The following SMG5 variants were observed in gnomAD, a reference collection of about 807,000 sequenced individuals.
SMG5 encodes nonsense-mediated mRNA decay factor SMG5.
A neutral mutation model predicts 122.9 loss-of-function variants in SMG5; 53 were observed. The ratio of observed to expected loss-of-function variants is 0.43; its 90% CI spans 0.35 to 0.54. The LOEUF (loss-of-function observed/expected upper bound fraction) is 0.54. Ranked by LOEUF, SMG5 falls within the 20% of genes least tolerant of loss-of-function variation. The pLI is 0.01. For missense variants in SMG5, 1,153 were observed against 1,285.6 expected, an observed-to-expected ratio of 0.90 and a Z score of 1.58; for synonymous variants, 477 against 490.2, an observed-to-expected ratio of 0.97 and a Z score of 0.35.
chr1:156,257,074 C>T (rs747973130), intron 16 of SMG5, among the ~76,000 whole-genome samples: 6 of 152,068 alleles, frequency 3.9e-5, no homozygotes, highest in Non-Finnish European at 7.4e-5. Flanking sequence ...CTACAGGCAC[C>T]TGCCACCATG....
chr1:156,285,919 C>A (rs1402993402), upstream of SMG5: 3 of 1,549,058 alleles, frequency 1.9e-6, no homozygotes, highest in Non-Finnish European at 2.6e-6. Context: ...GGCTGCCCAC[C>A]ATGAGTTCCC....
Position 156,266,016 on chromosome 1 carries a change from C to T in SMG5, c.1620G>A (p.Glu540=), listed in dbSNP as rs774790887. The change falls in exon 12 of 22, where the codon GAG becomes GAA. Residue 540 remains glutamate (E), a synonymous_variant. Transcript: ENST00000361813. ...GAGCCTCTGATCTGCCCCGAGGGGG[C>T]TCCAGGGTTGGTGACCGTGTCCCCT... ...EEEGTRSPTL[E]PPRGRSEAPD... is the part of the protein sequence containing the mutation. 1.2e-6 allele frequency: 2 copies of T among 1,614,218 alleles called. No homozygotes were observed. The highest frequency in any genetic ancestry group is 1.7e-6 in the Non-Finnish European group (2 of 1,180,032).
Position 156,252,448 on chromosome 1 carries a change from G to A in SMG5, c.2719C>T (p.Arg907Trp), listed in dbSNP as rs1661393423. ...KEHPGARDGI[R>W]YLEAEFKKGN... ...TTTTTAAACTCTGCCTCCAGGTACC[G>A]AATCCCATCCCGGGCCCCTGGGTGT... Residue 907 changes from arginine to tryptophan, a missense_variant, in exon 19 of 22, where the codon CGG becomes TGG. This residue lies in a region of SMG5 where 140 missense variants were observed against 227.8 expected (regional missense o/e 0.61). Coordinates refer to ENST00000361813, the MANE Select transcript of SMG5 (RefSeq NM_015327.3). The A allele has an allele frequency of 6.2e-7, 1 of 1,613,920 alleles. No individual in the cohort carries two copies.
At chr1:156,269,406 C>A (rs1053356484) in intron 7 of SMG5, among the ~76,000 whole-genome samples, 1 of 152,198 alleles carries the variant, frequency 6.6e-6, no homozygotes, top group Admixed American at 6.5e-5. Flanking sequence ...CTATGCCCAG[C>A]CCTCAACCCT....
chr1:156,273,295 TCAA>T (rs1307111362), intron 6 of SMG5, 63 bp downstream of exon 6: 4 of 1,353,492 alleles, frequency 3.0e-6, no homozygotes, highest in Non-Finnish European at 4.2e-6. Context: ...GCCTGCCATC[TCAA>T]CAACATCGTC....
chr1:156,268,693 C>A (rs1378185537), intron 7 of SMG5, among the ~76,000 whole-genome samples: 1 of 152,152 alleles, frequency 6.6e-6, no homozygotes, highest in Non-Finnish European at 1.5e-5. Flanking sequence ...TATTACCATC[C>A]CTGAAATACA....
At chr1:156,274,326 C>T (rs1662581042) in intron 5 of SMG5, among the ~76,000 whole-genome samples, 1 of 152,194 alleles carries the variant, frequency 6.6e-6, no homozygotes, top group South Asian at 2.1e-4. Flanking sequence ...AAATTAAAAT[C>T]TTCCCAACCC....
upstream of SMG5, chr1:156,284,553 CA>C (rs1375373424): frequency 6.6e-6 from 1 of 152,620 alleles, no homozygotes; most frequent in East Asian, 1.9e-4. Flanking sequence ...CAGCCATGAT[CA>C]GACCTAAATA....
At position 156,267,415 on chromosome 1, in the gene SMG5, G is replaced by A. The variant is rs528700582; in HGVS notation, c.1117+55C>T. 2.5e-5 allele frequency: 38 copies of A among 1,544,364 alleles called. No individual in the cohort carries two copies. In the South Asian group the frequency reaches 3.6e-4, roughly 15 times the overall value. On this transcript the variant is annotated intron_variant, in intron 10 of 21. Transcript: ENST00000361813. Reference sequence around the variant, plus strand: ...ATGAATAAGGAGCTGCAGAAAAGGGGAGTGAGGATCCCCAAAGCCAGTGGA... The same window carrying A: ...ATGAATAAGGAGCTGCAGAAAAGGGAAGTGAGGATCCCCAAAGCCAGTGGA...
At chr1:156,287,819 T>A (rs1442472167), upstream of SMG5, among the ~76,000 whole-genome samples, 1 of 151,904 alleles carries the variant, frequency 6.6e-6, no homozygotes, top group African/African-American at 2.4e-5. Context: ...GGTTTCACCA[T>A]GTTGGCCAGG....
At chr1:156,262,760 T>C (rs906489303) in intron 13 of SMG5, among the ~76,000 whole-genome samples, 1 of 152,026 alleles carries the variant, frequency 6.6e-6, no homozygotes, top group African/African-American at 2.4e-5. Flanking sequence ...ACCCAAACCG[T>C]CTCATCTGGG....
chr1:156,266,574 T>C lies in SMG5; in HGVS notation c.1222A>G (p.Asn408Asp), dbSNP rs1426492770. The C allele has an allele frequency of 6.2e-7, 1 of 1,614,030 alleles. No homozygotes were observed. Among genetic ancestry groups the C allele is most frequent in the African/African-American group, 1.3e-5 (1 of 74,900 alleles). Residue 408 changes from asparagine to aspartate, a missense_variant, in exon 11 of 22, where the codon AAT becomes GAT. Asn to Asp is a conservative substitution (Grantham distance 23). Transcript: ENST00000361813. ...TCACTCTGGAATGCCGGGACGGGAT[T>C]CTCGCCCTCTTCCAGCTCAGCCTGC... ...RLQAELEEGE[N>D]PVPAFQSDGT...
In SMG5 at chr1:156,278,045, C is replaced by A. The variant is rs570003469; in HGVS notation, c.177G>T (p.Leu59=). The A allele has an allele frequency of 4.3e-6, 7 of 1,613,874 alleles. No homozygotes were observed. The Admixed American group carries it at 1.2e-4, about 27-fold the overall frequency. The change falls in exon 3 of 22, where the codon CTG becomes CTT. Residue 59 remains leucine (L), a synonymous_variant. Coordinates refer to ENST00000361813, the MANE Select transcript of SMG5 (RefSeq NM_015327.3). ...KPENISLRNK[L]RELCVKLMFL... Reference sequence around the variant, plus strand: ...ACATAAGCTTGACGCAGAGCTCACGCAGCCTGGAGGGTGTAGAGGAGCATG... The same window carrying A: ...ACATAAGCTTGACGCAGAGCTCACGAAGCCTGGAGGGTGTAGAGGAGCATG...
At chr1:156,260,330 G>A (rs1380771471) in intron 15 of SMG5, 121 bp downstream of exon 15, 1 of 1,207,630 alleles carries the variant, frequency 8.3e-7, no homozygotes, top group Non-Finnish European at 1.2e-6. Context: ...GTAGCCCCAA[G>A]GACACTGTCC....
chr1:156,257,295 G>A (rs1329064255), intron 16 of SMG5, among the ~76,000 whole-genome samples: 1 of 152,162 alleles, frequency 6.6e-6, no homozygotes, highest in Non-Finnish European at 1.5e-5. Flanking sequence ...AGGGTTAATT[G>A]AGATGTCACA....
upstream of SMG5, among the ~76,000 whole-genome samples, chr1:156,287,313 G>C (rs1572608443): frequency 1.3e-5 from 2 of 152,262 alleles, no homozygotes; most frequent in East Asian, 3.9e-4. Flanking sequence ...CTATTCAGGA[G>C]GCGGAGGCAG....
At chr1:156,266,807 T>TC in intron 10 of SMG5, 129 bp from the exon 11 acceptor site, 1 of 1,211,492 alleles carries the variant, frequency 8.3e-7, no homozygotes, top group Non-Finnish European at 1.1e-6. Flanking sequence ...GATTCTTTTT[T>TC]TTTTTTTTTT....
intron 15 of SMG5, among the ~76,000 whole-genome samples, chr1:156,259,700 T>A (rs555990178): frequency 3.7e-4 from 56 of 152,216 alleles, no homozygotes; most frequent in African/African-American, 1.3e-3. Flanking sequence ...AGCTAATTTT[T>A]GTATTTTTTG....
In SMG5 at chr1:156,277,950, A is replaced by G. The variant is rs1294803484; in HGVS notation, c.272T>C (p.Ile91Thr). The G allele has an allele frequency of 6.2e-7, 1 of 1,614,088 alleles. No individual in the cohort carries two copies. Among genetic ancestry groups the G allele is most frequent in the Admixed American group, 1.7e-5 (1 of 60,014 alleles). The part of the protein sequence containing the change: ...LLWRKVYYEV[I>T]QLIKTNKKHI... ...CTTTTTGTTAGTCTTGATAAGCTGG[A>G]TAACTTCATAGTATACCTTTCTCCA... The change falls in exon 3 of 22, where the codon ATC becomes ACC. Residue 91 changes from isoleucine to threonine, a missense_variant. Ile to Thr is a moderately conservative substitution (Grantham distance 89). This residue lies in a region of SMG5 where 213 missense variants were observed against 197.5 expected (regional missense o/e 1.08). Transcript: ENST00000361813.
Sources: allele counts gnomAD v4.1 joint callset (sites outside exome capture counted in the v4.1 genomes callset), GRCh38; gene constraint gnomAD v4.1.1; regional missense constraint gnomAD v4.1.1; transcripts MANE v1.5; gene names NCBI Gene and HGNC (gene_info 2026-07-23, HGNC 2026-07-21).